Variants in HMGA2 observed in about 807,000 individuals in gnomAD.
HMGA2 encodes high mobility group AT-hook 2, also known as high mobility group protein HMGI-C.
HMGA2 carries 8 observed loss-of-function variants against 19.1 expected under a neutral mutation model. That is an observed-to-expected ratio of 0.42 (90% CI 0.25 to 0.76). HMGA2 has a LOEUF of 0.76. Among genes scored for constraint, HMGA2 ranks in the 30% least tolerant of loss-of-function variants. The pLI, the probability that HMGA2 is intolerant of heterozygous loss-of-function variation, is 0.28. For synonymous variants in HMGA2, 60 were observed against 48.8 expected (o/e 1.23, Z -0.96); for missense variants, 109 against 136.3 (o/e 0.80, Z 1.00).
chr12:65,839,982 A>G (rs1870924715), intron 3 of HMGA2, among the ~76,000 whole-genome samples: 1 of 152,190 alleles, frequency 6.6e-6, no homozygotes, highest in Non-Finnish European at 1.5e-5. Context: ...AGGGCAATTA[A>G]CACATACTGT....
At chr12:65,900,712 C>T (rs560639798) in intron 3 of HMGA2, among the ~76,000 whole-genome samples, 1 of 152,112 alleles carries the variant, frequency 6.6e-6, no homozygotes, top group Non-Finnish European at 1.5e-5. Flanking sequence ...GTAGTACAAG[C>T]GCTGGTAATT....
intron 3 of HMGA2, among the ~76,000 whole-genome samples, chr12:65,875,583 C>T (rs12818379): frequency 2.1e-4 from 12 of 57,462 alleles, no homozygotes; most frequent in Non-Finnish European, 5.8e-4. Context: ...GCCACCGTGC[C>T]CGGCTATTTT....
chr12:65,825,620 G>A lies in HMGA2; in HGVS notation c.111+239G>A, dbSNP rs1206192998. ...GCGGGCGGCCCGGGGAAGGCGGGAGGTGGGGTCGGGCGAAGCGCGTCCTCG... is the reference window on the plus strand; with the variant it reads ...GCGGGCGGCCCGGGGAAGGCGGGAGATGGGGTCGGGCGAAGCGCGTCCTCG... On this transcript the variant is annotated intron_variant, in intron 1 of 4. Coordinates refer to ENST00000403681, the MANE Select transcript of HMGA2 (RefSeq NM_003483.6). The surrounding 1 kb of genome is among the most constrained non-coding windows in gnomAD (Gnocchi z 4.4). Among the ~76,000 whole-genome samples, 7 of 151,790 alleles carry A rather than the reference G, an allele frequency of 4.6e-5. No individual in the cohort carries two copies. Among genetic ancestry groups the A allele is most frequent in the South Asian group, 2.1e-4 (1 of 4,828 alleles).
chr12:65,914,744 G>A (rs1395647003), intron 3 of HMGA2: 6 of 357,350 alleles, frequency 1.7e-5, no homozygotes, highest in Non-Finnish European at 3.3e-5. Context: ...GTACAATCTC[G>A]GCTCATTGCA....
chr12:65,895,596 C>T (rs1445663991), intron 3 of HMGA2, among the ~76,000 whole-genome samples: 1 of 152,132 alleles, frequency 6.6e-6, no homozygotes, highest in Non-Finnish European at 1.5e-5. Flanking sequence ...ATAATAAAAA[C>T]AATATAGGCA....
chr12:65,885,118 G>C (rs1565721117), intron 3 of HMGA2, among the ~76,000 whole-genome samples: 1 of 151,962 alleles, frequency 6.6e-6, no homozygotes, highest in Admixed American at 6.6e-5. Context: ...AGTAGTTTCT[G>C]TTTATTTATT....
chr12:65,959,497 G>A (rs1335484029), intron 4 of HMGA2, among the ~76,000 whole-genome samples: 3 of 152,288 alleles, frequency 2.0e-5, no homozygotes, highest in African/African-American at 7.2e-5. Context: ...GTTTCGGCCC[G>A]GTACCTCACT....
At chr12:65,882,200 T>C in intron 3 of HMGA2, 3 of 344,976 alleles carry the variant, frequency 8.7e-6, no homozygotes, top group Non-Finnish European at 1.7e-5. Context: ...GATCATGTGC[T>C]GCTATTTCGG....
intron 3 of HMGA2, chr12:65,876,983 C>T (rs1873073535): frequency 6.6e-6 from 1 of 152,230 alleles, no homozygotes; most frequent in African/African-American, 2.4e-5. Flanking sequence ...AGAAAAAACT[C>T]ACACTCGGGG....
rs1555189598 is a variant in HMGA2, at chr12:65,964,299, A to AG, written c.*1007_*1008insG. 0.052 allele frequency: 10,765 copies of AG among 206,446 alleles called. 378 individuals are homozygous for AG. The highest frequency in any genetic ancestry group is 0.069 in the Non-Finnish European group (7,075 of 102,410). 12.8% of individuals were successfully genotyped at this position (206,446 alleles called of 1,614,324 possible). On this transcript the variant is annotated 3_prime_UTR_variant, in exon 5 of 5. Transcript: ENST00000403681. ...ATCAATTTAAAAAGCAAAAAAAAAA[A>AG]AGGGGGGGGCAATCTCTCTCTGTGT...
chr12:65,953,226 T>C (rs1268810460), intron 4 of HMGA2: 1 of 152,150 alleles, frequency 6.6e-6, no homozygotes, highest in African/African-American at 2.4e-5. Context: ...CAACTAGAGA[T>C]GAAGACACTC....
At chr12:65,848,628 G>A (rs573769806) in intron 3 of HMGA2, among the ~76,000 whole-genome samples, 5 of 152,028 alleles carry the variant, frequency 3.3e-5, no homozygotes, top group Admixed American at 2.0e-4. Context: ...AGGCCGAGGC[G>A]GGTGGATCAT....
chr12:65,925,127 T>G (rs1312909363), intron 3 of HMGA2, among the ~76,000 whole-genome samples: 2 of 152,196 alleles, frequency 1.3e-5, no homozygotes, highest in Non-Finnish European at 2.9e-5. Flanking sequence ...TGTTAAAATA[T>G]TTTTATAAAT....
chr12:65,888,647 T>TCCGC (rs373012719), intron 3 of HMGA2, among the ~76,000 whole-genome samples: 160 of 120,946 alleles, frequency 1.3e-3, no homozygotes, highest in Non-Finnish European at 2.1e-3. Flanking sequence ...CACTGCAAGC[T>TCCGC]CCGCCTCCCG....
At chr12:65,881,950 G>T (rs931840058) in intron 3 of HMGA2, 4 of 700,566 alleles carry the variant, frequency 5.7e-6, no homozygotes, top group Non-Finnish European at 5.2e-6. Flanking sequence ...AATTGCGGGG[G>T]TTCCTCCGTA....
intron 3 of HMGA2, among the ~76,000 whole-genome samples, chr12:65,949,028 G>A (rs1029552568): frequency 6.6e-6 from 1 of 152,080 alleles, no homozygotes; most frequent in Non-Finnish European, 1.5e-5. Flanking sequence ...AAAAATGGGA[G>A]GAAGATGAGT....
intron 3 of HMGA2, among the ~76,000 whole-genome samples, chr12:65,849,760 T>TTTTTTTTTA (rs1491484919): frequency 7.3e-6 from 1 of 137,322 alleles, no homozygotes; most frequent in African/African-American, 2.9e-5. Flanking sequence ...TTTTTTTTTT[T>TTTTTTTTTA]GAGGCTGGAG....
At chr12:65,931,535 C>T (rs538548660) in intron 3 of HMGA2, among the ~76,000 whole-genome samples, 2 of 147,324 alleles carry the variant, frequency 1.4e-5, no homozygotes, top group South Asian at 4.4e-4. Flanking sequence ...AACCCAGGAG[C>T]TAAGTTTATA....
intron 1 of HMGA2, among the ~76,000 whole-genome samples, chr12:65,827,666 G>A (rs138967796): frequency 1.3e-5 from 2 of 152,176 alleles, no homozygotes; most frequent in South Asian, 4.1e-4. Context: ...ATTCCTATGA[G>A]TTGCCAAATG....
Sources: allele counts gnomAD v4.1 joint callset (sites outside exome capture counted in the v4.1 genomes callset), GRCh38; gene constraint gnomAD v4.1.1; non-coding constraint Gnocchi (gnomAD v3.1); transcripts MANE v1.5; gene names NCBI Gene and HGNC (gene_info 2026-07-23, HGNC 2026-07-21).